PCDHGB3: variants seen among roughly 807,000 people sequenced by gnomAD.
The protein encoded by PCDHGB3 is protocadherin gamma-B3.
Under a neutral mutation model 59.2 loss-of-function variants are expected in PCDHGB3, and 40 were observed. The observed-to-expected ratio is 0.68, with a 90% CI of 0.52 to 0.88. The LOEUF (loss-of-function observed/expected upper bound fraction) is 0.88. Ranked by LOEUF, PCDHGB3 falls within the 40% of genes least tolerant of loss-of-function variation. The pLI is 0.00. For synonymous variants in PCDHGB3, 581 were observed against 503.6 expected (o/e 1.15, Z -2.06); for missense variants, 1,309 against 1,187.9 (o/e 1.10, Z -1.50).
At chr5:141,415,420 G>A in intron 1 of PCDHGB3, 2 of 1,614,226 alleles carry the variant, frequency 1.2e-6, no homozygotes, top group Non-Finnish European at 1.7e-6. Flanking sequence ...GGGCGTGGAC[G>A]GGGTTCGGGC....
Position 141,469,573 on chromosome 5 carries a change from C to CTAAA in PCDHGB3, c.2416-25217_2416-25214dup, listed in dbSNP as rs1209972534. Among the ~76,000 whole-genome samples the CTAAA allele has an allele frequency of 1.4e-4, 21 of 151,674 alleles. No individual in the cohort carries two copies. In the East Asian group the frequency reaches 2.3e-3, roughly 17 times the overall value. On this transcript the variant is annotated intron_variant, in intron 1 of 3. Coordinates refer to ENST00000576222, the MANE Select transcript of PCDHGB3 (RefSeq NM_018924.5). ...CTGGCGACAGAGTGAGACTCTGTCT[C>CTAAA]TAAATAAATAAATAAATAAAACAAA...
Position 141,477,486 on chromosome 5 carries a change from C to A in PCDHGB3, c.2416-17321C>A. On this transcript the variant is annotated intron_variant, in intron 1 of 3. Coordinates refer to ENST00000576222, the MANE Select transcript of PCDHGB3 (RefSeq NM_018924.5). This position sits in a 1 kb window ranked among gnomAD's most constrained non-coding sequence, Gnocchi z 4.9. ...GACATCAATGACAACCCTCCACAAT[C>A]TTCTCAATCTTCCTACGACGTTTAC... is the stretch of plus-strand genomic sequence containing the variant. The A allele has an allele frequency of 6.2e-7, 1 of 1,614,170 alleles. No homozygotes were observed. The highest frequency in any genetic ancestry group is 8.5e-7 in the Non-Finnish European group (1 of 1,180,040).
At position 141,505,499 on chromosome 5, in the gene PCDHGB3, G is replaced by A. The variant is rs753203943; in HGVS notation, c.2563+18G>A. ...CGCCAGTGGTAAGTGGTGTCAGTGT[G>A]TGTATGGAAGAGTGGGAGACCTGGG... is the stretch of plus-strand genomic sequence containing the variant. On this transcript the variant is annotated intron_variant, in intron 3 of 3. Transcript: ENST00000576222. 6.2e-7 allele frequency: 1 copy of A among 1,614,172 alleles called. No homozygotes were observed. The highest frequency in any genetic ancestry group is 8.5e-7 in the Non-Finnish European group (1 of 1,179,982).
At position 141,421,233 on chromosome 5, in the gene PCDHGB3, G is replaced by A. The variant is rs201076931; in HGVS notation, c.2415+48424G>A. Reference sequence around the variant, plus strand: ...ATATCGGCTTAGAGCCTGCCATGGCGAATCGGCTACAGCGCGGGGACCGCA... The same window carrying A: ...ATATCGGCTTAGAGCCTGCCATGGCAAATCGGCTACAGCGCGGGGACCGCA... On this transcript the variant is annotated intron_variant, in intron 1 of 3. Coordinates refer to ENST00000576222, the MANE Select transcript of PCDHGB3 (RefSeq NM_018924.5). 1.4e-3 allele frequency: 2,185 copies of A among 1,592,236 alleles called. 58 individuals are homozygous for A. In the South Asian group the frequency reaches 0.024, roughly 17 times the overall value.
In PCDHGB3 at chr5:141,370,746, C is replaced by A; in HGVS notation, c.352C>A (p.His118Asn). 6.2e-7 allele frequency: 1 copy of A among 1,613,906 alleles called. No individual in the cohort carries two copies. Among genetic ancestry groups the A allele is most frequent in the Non-Finnish European group, 8.5e-7 (1 of 1,179,880 alleles). ...TGCTGAAAAGCCTTTAAACTTTTTTCATGTAACTGTGCTGATCCAGGATAT... is the reference window on the plus strand; with the variant it reads ...TGCTGAAAAGCCTTTAAACTTTTTTAATGTAACTGTGCTGATCCAGGATAT... Reference protein sequence around the residue: ...MVAEKPLNFFHVTVLIQDIND... With the variant: ...MVAEKPLNFFNVTVLIQDIND... Residue 118 changes from histidine (H) to asparagine (N), a missense_variant, in exon 1 of 4, where the codon CAT becomes AAT. By Grantham distance (68) the His-to-Asn change is moderately conservative. Coordinates refer to ENST00000576222, the MANE Select transcript of PCDHGB3 (RefSeq NM_018924.5).
chr5:141,421,280 G>T (rs564480755), intron 1 of PCDHGB3: 1 of 1,612,948 alleles, frequency 6.2e-7, no homozygotes, highest in African/African-American at 1.3e-5. Context: ...CTGCTGCTGT[G>T]CATTTTCCTG....
chr5:141,463,886 C>T (rs1327677210), intron 1 of PCDHGB3, among the ~76,000 whole-genome samples: 3 of 152,118 alleles, frequency 2.0e-5, no homozygotes, highest in African/African-American at 4.8e-5. Flanking sequence ...AAAGTTTTCA[C>T]CTTGCTTTTT....
chr5:141,422,833 C>T, intron 1 of PCDHGB3: 2 of 1,614,224 alleles, frequency 1.2e-6, no homozygotes, highest in East Asian at 2.2e-5. Context: ...AGTGATAGCA[C>T]GTGACAGCGG....
chr5:141,415,521 G>T lies in PCDHGB3; in HGVS notation c.2415+42712G>T, dbSNP rs1357538686. 2.5e-6 allele frequency: 4 copies of T among 1,614,070 alleles called. No individual in the cohort carries two copies. The African/African-American group carries it at 5.3e-5, about 22-fold the overall frequency. Reference sequence around the variant, plus strand: ...TCCCCCAGCCCAATTATGCGGACACGCTCATCAGCCAGGAGAGCTGTGAGA... The same window carrying T: ...TCCCCCAGCCCAATTATGCGGACACTCTCATCAGCCAGGAGAGCTGTGAGA... On this transcript the variant is annotated intron_variant, in intron 1 of 3. Coordinates refer to ENST00000576222, the MANE Select transcript of PCDHGB3 (RefSeq NM_018924.5).
At chr5:141,415,275 G>T in intron 1 of PCDHGB3, 5 of 1,614,212 alleles carry the variant, frequency 3.1e-6, no homozygotes, top group Non-Finnish European at 4.2e-6. Flanking sequence ...TGGTGGTAGC[G>T]GTGGCCGCGG....
At chr5:141,458,694 C>G (rs905547768) in intron 1 of PCDHGB3, among the ~76,000 whole-genome samples, 1 of 152,136 alleles carries the variant, frequency 6.6e-6, no homozygotes, top group East Asian at 1.9e-4. Context: ...CTCAGCCTCC[C>G]GAGTAGCTGG....
Position 141,490,866 on chromosome 5 carries a change from C to T in PCDHGB3, c.2416-3941C>T, listed in dbSNP as rs1408465290. The T allele has an allele frequency of 6.2e-7, 1 of 1,613,906 alleles. No homozygotes were observed. The highest frequency in any genetic ancestry group is 1.7e-5 in the Admixed American group (1 of 60,012). ...TGGGGGTTCGAGACTCCGGCTCTCC[C>T]CCATTGCATGCCAACACATCTCTGC... On this transcript the variant is annotated intron_variant, in intron 1 of 3. Coordinates refer to ENST00000576222, the MANE Select transcript of PCDHGB3 (RefSeq NM_018924.5). The surrounding 1 kb of genome is among the most constrained non-coding windows in gnomAD (Gnocchi z 5.4).
intron 1 of PCDHGB3, among the ~76,000 whole-genome samples, chr5:141,401,290 C>T (rs1460193254): frequency 6.6e-6 from 1 of 151,710 alleles, no homozygotes; most frequent in Non-Finnish European, 1.5e-5. Flanking sequence ...TGCGGTGAGC[C>T]GAGATCACTC....
Position 141,489,557 on chromosome 5 carries a change from T to C in PCDHGB3, c.2416-5250T>C, listed in dbSNP as rs150797955. 54 of 1,613,956 alleles carry C rather than the reference T, an allele frequency of 3.3e-5. 1 individual carries two copies. Among genetic ancestry groups the C allele is most frequent in the Non-Finnish European group, 4.3e-5 (51 of 1,180,004 alleles). On this transcript the variant is annotated intron_variant, in intron 1 of 3. Coordinates refer to ENST00000576222, the MANE Select transcript of PCDHGB3 (RefSeq NM_018924.5). The surrounding 1 kb of genome is among the most constrained non-coding windows in gnomAD (Gnocchi z 4.5). ...GCCAGCACCAGCTGCCTGCTGCCAG[T>C]GCAGGTGGTGACTGAACACCCCCTG...
chr5:141,387,784 T>C (rs2091093181), intron 1 of PCDHGB3: 11 of 1,472,396 alleles, frequency 7.5e-6, no homozygotes, highest in African/African-American at 4.2e-5. Flanking sequence ...GAACTGGAAC[T>C]GCAACTAAAG....
intron 1 of PCDHGB3, chr5:141,421,044 C>CGCCT (rs891153203): frequency 6.4e-5 from 35 of 548,614 alleles, no homozygotes; most frequent in African/African-American, 6.0e-4. Context: ...CTCCCTCCCC[C>CGCCT]GCCTCTACCA....
At chr5:141,408,301 C>A in intron 1 of PCDHGB3, 1 of 1,613,756 alleles carries the variant, frequency 6.2e-7, no homozygotes, top group Non-Finnish European at 8.5e-7. Flanking sequence ...GTGAGCCGAT[C>A]CGCTACTCGA....
Position 141,486,775 on chromosome 5 carries a change from G to A in PCDHGB3, c.2416-8032G>A, listed in dbSNP as rs2099634725. On this transcript the variant is annotated intron_variant, in intron 1 of 3. Coordinates refer to ENST00000576222, the MANE Select transcript of PCDHGB3 (RefSeq NM_018924.5). This position sits in a 1 kb window ranked among gnomAD's most constrained non-coding sequence, Gnocchi z 5.0. ...AGCAAACCCAGACACTGCAGTTTGA[G>A]GTGCAGGCCCGGGATCGGGGCAACC... 7 of 1,614,122 alleles carry A rather than the reference G, an allele frequency of 4.3e-6. No individual in the cohort carries two copies. Among genetic ancestry groups the A allele is most frequent in the Non-Finnish European group, 5.9e-6 (7 of 1,180,060 alleles).
At position 141,489,074 on chromosome 5, in the gene PCDHGB3, C is replaced by A; in HGVS notation, c.2416-5733C>A. On this transcript the variant is annotated intron_variant, in intron 1 of 3. Coordinates refer to ENST00000576222, the MANE Select transcript of PCDHGB3 (RefSeq NM_018924.5). The surrounding 1 kb of genome is among the most constrained non-coding windows in gnomAD (Gnocchi z 4.5). ...TTCAGCTCCCCTCCCCCCTGCCCAC[C>A]CCCGCCACTCGGTGACTAAGAACTG... 9.4e-6 allele frequency: 3 copies of A among 320,798 alleles called. No individual in the cohort carries two copies. The highest frequency in any genetic ancestry group is 1.7e-5 in the Non-Finnish European group (3 of 177,744). 19.9% of individuals were successfully genotyped at this position (320,798 alleles called of 1,614,324 possible). A position where few individuals can be genotyped will look rare whatever the true frequency, so the allele number is the denominator to read the frequency against.
Sources: gnomAD v4.1 joint callset for allele counts (sites outside exome capture counted in the v4.1 genomes callset) on GRCh38, gnomAD v4.1.1 for gene constraint, Gnocchi (gnomAD v3.1) non-coding constraint, MANE v1.5 for transcripts, NCBI Gene and HGNC (gene_info 2026-07-23, HGNC 2026-07-21) for gene names.